Variants in PRDM16 observed in about 807,000 individuals in gnomAD.
PRDM16 encodes histone-lysine N-methyltransferase PRDM16.
In PRDM16, 23 loss-of-function variants were observed where a neutral mutation model predicts 110.6. The observed-to-expected ratio is 0.21, with a 90% confidence interval of 0.15 to 0.29. The LOEUF (loss-of-function observed/expected upper bound fraction) is 0.29. Ranked by LOEUF, PRDM16 falls within the 10% of genes least tolerant of loss-of-function variation. The pLI is 1.00. For missense variants in PRDM16, 1,615 were observed against 1,794.3 expected (o/e 0.90, Z 1.81); for synonymous variants, 799 against 781.8 (o/e 1.02, Z -0.37).
rs553082275 is a variant in PRDM16 at position 3,213,077 on chromosome 1, CGG to C, written c.387+26605_387+26606del. Among the ~76,000 whole-genome samples the C allele has an allele frequency of 2.9e-4, 44 of 152,316 alleles. No individual in the cohort carries two copies. The South Asian group carries it at 7.7e-3, about 27-fold the overall frequency. ...CTCGCCCGCCTGCCGCACGCTTCCCCGGGAGGCCGAGCTCAGGAAGACGCGGC... is the reference window on the plus strand; with the variant it reads ...CTCGCCCGCCTGCCGCACGCTTCCCCGAGGCCGAGCTCAGGAAGACGCGGC... On this transcript the variant is annotated intron_variant, in intron 2 of 16. Transcript: ENST00000270722. The surrounding 1 kb of genome is among the most constrained non-coding windows in gnomAD (Gnocchi z 5.3).
intron 4 of PRDM16, among the ~76,000 whole-genome samples, chr1:3,391,978 ATCACAGCGCTTTCCCACAC>A (rs2100619796): frequency 6.6e-6 from 1 of 152,358 alleles, no homozygotes; most frequent in South Asian, 2.1e-4. Flanking sequence ...CTCGGGGATC[ATCACAGCGCTTTCCCACAC>A]TCACAGCGTG....
Position 3,349,201 on chromosome 1 carries a change from T to TGGGCGCAGC in PRDM16, c.439-35950_439-35942dup, listed in dbSNP as rs1045492361. Among the ~76,000 whole-genome samples the TGGGCGCAGC allele has an allele frequency of 8.5e-5, 13 of 152,294 alleles. No individual in the cohort carries two copies. The South Asian group carries it at 1.2e-3, about 15-fold the overall frequency. Reference sequence around the variant, plus strand: ...GCATAGTGCCCATGGCCAGGCTGTCTGGGCGCAGCATTCCTGGGCCTGCTC... The same window carrying TGGGCGCAGC: ...GCATAGTGCCCATGGCCAGGCTGTCTGGGCGCAGCGGGCGCAGCATTCCTGGGCCTGCTC... On this transcript the variant is annotated intron_variant, in intron 3 of 16. Coordinates refer to ENST00000270722, the MANE Select transcript of PRDM16 (RefSeq NM_022114.4).
chr1:3,310,687 C>T (rs1429775822), intron 3 of PRDM16, among the ~76,000 whole-genome samples: 2 of 152,240 alleles, frequency 1.3e-5, no homozygotes, highest in Non-Finnish European at 2.9e-5. Context: ...AGGCCTTCCT[C>T]CTCTGCCAAC....
rs1553122533 is a variant in PRDM16, at chr1:3,088,448, A to ATTATTTAT, written c.37+19179_37+19186dup. Among the ~76,000 whole-genome samples, 262 of 146,088 alleles carry ATTATTTAT rather than the reference A, an allele frequency of 1.8e-3. 2 individuals are homozygous for ATTATTTAT. The highest frequency in any genetic ancestry group is 5.6e-3 in the African/African-American group (219 of 39,180). Reference sequence around the variant, plus strand: ...TCTTGGGAGATGCAGGGATTCTTTTATTATTTATTTATTTATTTATTTATT... The same window carrying ATTATTTAT: ...TCTTGGGAGATGCAGGGATTCTTTTATTATTTATTTATTTATTTATTTATTTATTTATT... On this transcript the variant is annotated intron_variant, in intron 1 of 16. Transcript: ENST00000270722.
rs145131491 is a variant in PRDM16 at position 3,084,233 on chromosome 1, G to T, written c.37+14937G>T. On this transcript the variant is annotated intron_variant, in intron 1 of 16. Coordinates refer to ENST00000270722, the MANE Select transcript of PRDM16 (RefSeq NM_022114.4). ...GGGCGTCTGGGGGCCTGTACCCCTC[G>T]GGTGGGGCAGGTTGGGCTGGAGCCC... Among the ~76,000 whole-genome samples the T allele has an allele frequency of 2.0e-5, 3 of 152,162 alleles. No homozygotes were observed. In the East Asian group the frequency reaches 5.8e-4, roughly 29 times the overall value.
chr1:3,164,826 C>T (rs1040213731), intron 1 of PRDM16, among the ~76,000 whole-genome samples: 3 of 152,168 alleles, frequency 2.0e-5, no homozygotes, highest in Non-Finnish European at 2.9e-5. Context: ...CTCCACCCAC[C>T]GCCCAGCCCG....
chr1:3,183,693 A>G (rs538320000), intron 1 of PRDM16, among the ~76,000 whole-genome samples: 42 of 152,210 alleles, frequency 2.8e-4, no homozygotes, highest in Middle Eastern at 3.2e-3. Context: ...ATGCCCTTAA[A>G]GCGCTGATTT....
At chr1:3,135,695 G>T (rs749902740) in intron 1 of PRDM16, among the ~76,000 whole-genome samples, 1 of 152,216 alleles carries the variant, frequency 6.6e-6, no homozygotes, top group Non-Finnish European at 1.5e-5. Flanking sequence ...TGTGGGTCCC[G>T]CACACACTGC....
In PRDM16 at chr1:3,359,590, C is replaced by G. The variant is rs1465728831; in HGVS notation, c.439-25562C>G. Among the ~76,000 whole-genome samples the G allele has an allele frequency of 6.6e-6, 1 of 152,190 alleles. No homozygotes were observed. The highest frequency in any genetic ancestry group is 1.5e-5 in the Non-Finnish European group (1 of 68,030). ...AGCTACTCCAGGCTCGGGTTTCAGC[C>G]TCCCCTCCACCTGTCACCGTTGTTT... On this transcript the variant is annotated intron_variant, in intron 3 of 16. Coordinates refer to ENST00000270722, the MANE Select transcript of PRDM16 (RefSeq NM_022114.4). This position sits in a 1 kb window ranked among gnomAD's most constrained non-coding sequence, Gnocchi z 4.3.
chr1:3,098,502 G>A (rs1345417693), intron 1 of PRDM16, among the ~76,000 whole-genome samples: 3 of 152,198 alleles, frequency 2.0e-5, no homozygotes, highest in Non-Finnish European at 4.4e-5. Context: ...GCTGGGGAGA[G>A]GGACATCCCT....
intron 3 of PRDM16, among the ~76,000 whole-genome samples, chr1:3,356,389 G>C (rs1255262473): frequency 1.3e-5 from 2 of 152,208 alleles, no homozygotes; most frequent in African/African-American, 2.4e-5. Flanking sequence ...TCAGGCGGAG[G>C]GAGGTCCGAC....
chr1:3,172,133 G>C (rs1644032712), intron 1 of PRDM16, among the ~76,000 whole-genome samples: 1 of 152,192 alleles, frequency 6.6e-6, no homozygotes, highest in South Asian at 2.1e-4. Flanking sequence ...AGAAGGAGTT[G>C]AGAACAGAAT....
intron 2 of PRDM16, among the ~76,000 whole-genome samples, chr1:3,216,545 G>A (rs577635460): frequency 6.6e-5 from 10 of 152,200 alleles, no homozygotes; most frequent in East Asian, 1.9e-4. Flanking sequence ...GCTGTCCCCC[G>A]CCGAACCAGG....
intron 2 of PRDM16, among the ~76,000 whole-genome samples, chr1:3,242,045 G>A (rs1639685995): frequency 6.6e-6 from 1 of 152,240 alleles, no homozygotes; most frequent in South Asian, 2.1e-4. Flanking sequence ...GCCGTGGCAT[G>A]CACTTTCCCA....
At chr1:3,113,536 C>G (rs116434688) in intron 1 of PRDM16, among the ~76,000 whole-genome samples, 2,383 of 152,212 alleles carry the variant, frequency 0.016, 57 homozygotes, top group African/African-American at 0.054. Context: ...TGACCAAGGC[C>G]GAGGCCTGAG....
intron 3 of PRDM16, among the ~76,000 whole-genome samples, chr1:3,327,855 C>A (rs1433681373): frequency 3.3e-5 from 5 of 152,240 alleles, no homozygotes; most frequent in Non-Finnish European, 7.3e-5. Context: ...TGGCAGTGCC[C>A]TGGGAAGCCA....
At chr1:3,285,641 G>A (rs1415733682) in intron 3 of PRDM16, among the ~76,000 whole-genome samples, 1 of 152,202 alleles carries the variant, frequency 6.6e-6, no homozygotes. Flanking sequence ...CTGAGCCCAG[G>A]GCGTGCTTGA....
At chr1:3,200,177 T>A (rs1345555193) in intron 2 of PRDM16, among the ~76,000 whole-genome samples, 1 of 152,180 alleles carries the variant, frequency 6.6e-6, no homozygotes, top group Non-Finnish European at 1.5e-5. Context: ...GCAGAGACTC[T>A]CCTCACAGCC....
In PRDM16 at chr1:3,081,290, G is replaced by T. The variant is rs1454658033; in HGVS notation, c.37+11994G>T. 6.6e-6 allele frequency among the ~76,000 whole-genome samples: 1 copy of T among 152,216 alleles called. No homozygotes were observed. The highest frequency in any genetic ancestry group is 2.4e-5 in the African/African-American group (1 of 41,454). ...AGTCCCCCGTGCTGGCACCTGATAA[G>T]GGGTCATTCTGTGCTCTTTCCAGAG... On this transcript the variant is annotated intron_variant, in intron 1 of 16. Transcript: ENST00000270722. This position sits in a 1 kb window ranked among gnomAD's most constrained non-coding sequence, Gnocchi z 4.6.
Sources: gnomAD v4.1 joint callset for allele counts (sites outside exome capture counted in the v4.1 genomes callset) on GRCh38, gnomAD v4.1.1 for gene constraint, Gnocchi (gnomAD v3.1) non-coding constraint, MANE v1.5 for transcripts, NCBI Gene and HGNC (gene_info 2026-07-23, HGNC 2026-07-21) for gene names.